Variants in DHX15 observed in about 807,000 individuals in gnomAD.
DHX15 encodes DEAH-box helicase 15, also known as ATP-dependent RNA helicase DHX15.
DHX15 carries 11 observed loss-of-function variants against 94.4 expected under a neutral mutation model. That is an observed-to-expected ratio of 0.12 (90% CI 0.07 to 0.19). DHX15 has a LOEUF of 0.19. DHX15 is among the 10% of genes least tolerant of loss of function. The probability of loss-of-function intolerance (pLI) is 1.00; values close to 1 mark genes in which losing one functional copy is unlikely to be tolerated. For synonymous variants in DHX15, 338 were observed against 329.9 expected, an observed-to-expected ratio of 1.02 and a Z score of -0.27; for missense variants, 304 against 988.5, an observed-to-expected ratio of 0.31 and a Z score of 9.29.
At chr4:24,547,922 T>G (rs1390288729) in intron 6 of DHX15, among the ~76,000 whole-genome samples, 1 of 53,250 alleles carries the variant, frequency 1.9e-5, no homozygotes, top group African/African-American at 8.6e-5. Context: ...TATATATATA[T>G]ATATATATAT....
Position 24,559,662 on chromosome 4 carries a change from A to T in DHX15, c.702-3252T>A, listed in dbSNP as rs151100718. On this transcript the variant is annotated intron_variant, in intron 3 of 13. Transcript: ENST00000336812. Reference sequence around the variant, plus strand: ...TGAATTAATAAAAGTGCCACAGGATAGCCAAACTCCACACTTTACTGGGTG... The same window carrying T: ...TGAATTAATAAAAGTGCCACAGGATTGCCAAACTCCACACTTTACTGGGTG... Among the ~76,000 whole-genome samples, 1,293 of 152,324 alleles carry T rather than the reference A, an allele frequency of 8.5e-3. 23 individuals are homozygous for T. The highest frequency in any genetic ancestry group is 0.029 in the African/African-American group (1,196 of 41,564).
At chr4:24,581,275 G>A (rs1468076163) in intron 1 of DHX15, among the ~76,000 whole-genome samples, 4 of 152,100 alleles carry the variant, frequency 2.6e-5, no homozygotes, top group South Asian at 2.1e-4. Flanking sequence ...TGATCCACCC[G>A]CCTCGGCCTC....
At chr4:24,572,876 T>C (rs1180231490) in intron 2 of DHX15, among the ~76,000 whole-genome samples, 1 of 152,124 alleles carries the variant, frequency 6.6e-6, no homozygotes, top group African/African-American at 2.4e-5. Flanking sequence ...CTGAAATATG[T>C]AGGCTACTGG....
intron 6 of DHX15, among the ~76,000 whole-genome samples, chr4:24,547,971 ATGGGGAC>A (rs1332667712): frequency 2.9e-5 from 4 of 139,162 alleles, no homozygotes; most frequent in African/African-American, 8.2e-5. Context: ...CTATCTGCTG[ATGGGGAC>A]TATATATCTG....
At chr4:24,533,659 T>G (rs1721136254) in intron 11 of DHX15, 1 of 153,706 alleles carries the variant, frequency 6.5e-6, no homozygotes, top group Non-Finnish European at 1.4e-5. Flanking sequence ...ACATGTATTA[T>G]CAAAAGGATA....
At chr4:24,571,359 G>A (rs146736446) in intron 2 of DHX15, among the ~76,000 whole-genome samples, 1 of 152,158 alleles carries the variant, frequency 6.6e-6, no homozygotes, top group Non-Finnish European at 1.5e-5. Flanking sequence ...CTCAGGAGCA[G>A]TATGCACAAT....
intron 5 of DHX15, among the ~76,000 whole-genome samples, chr4:24,550,397 T>C (rs770996513): frequency 3.3e-5 from 5 of 152,216 alleles, no homozygotes; most frequent in East Asian, 1.9e-4. Context: ...TAACTCTGAC[T>C]CTTGTGTAGT....
chr4:24,584,289 C>G, intron 1 of DHX15, 34 bp downstream of exon 1: 1 of 1,597,316 alleles, frequency 6.3e-7, no homozygotes. Context: ...CAACAAAGCC[C>G]GAGCTGCCGC....
chr4:24,578,300 T>C (rs1722320071), intron 1 of DHX15, among the ~76,000 whole-genome samples: 1 of 152,238 alleles, frequency 6.6e-6, no homozygotes, highest in Non-Finnish European at 1.5e-5. Context: ...GCTTCTGGCC[T>C]AAGGTGACTG....
intron 3 of DHX15, among the ~76,000 whole-genome samples, chr4:24,569,190 A>C (rs1333797643): frequency 6.6e-6 from 1 of 152,238 alleles, no homozygotes; most frequent in Non-Finnish European, 1.5e-5. Context: ...GGTATCTAAG[A>C]CTGCTTCGAA....
Position 24,527,974 on chromosome 4 carries a change from A to G in DHX15, c.2338T>C (p.Leu780=), listed in dbSNP as rs780799723. Residue 780 remains leucine, a synonymous_variant, in exon 14 of 14, where the codon TTG becomes CTG. Coordinates refer to ENST00000336812, the MANE Select transcript of DHX15 (RefSeq NM_001358.3). ...TGAAGTTTGGCAATGATGCGGTCCA[A>G]CTGTCTCTTTGCTTCACACTGTGGG... The part of the protein sequence containing the change: ...NFPQCEAKRQ[L]DRIIAKLQSK... 5.6e-6 allele frequency: 9 copies of G among 1,614,058 alleles called. No homozygotes were observed. The Admixed American group carries it at 6.7e-5, about 12-fold the overall frequency.
intron 2 of DHX15, among the ~76,000 whole-genome samples, chr4:24,574,402 G>T (rs1722197561): frequency 6.6e-6 from 1 of 151,998 alleles, no homozygotes; most frequent in African/African-American, 2.4e-5. Context: ...CCCCAGATGT[G>T]CTGCAATCCT....
intron 3 of DHX15, among the ~76,000 whole-genome samples, chr4:24,564,666 G>A (rs1414634857): frequency 2.0e-5 from 3 of 152,254 alleles, no homozygotes; most frequent in African/African-American, 7.2e-5. Context: ...AACAAAGACA[G>A]GCTCTAGTTC....
At chr4:24,574,537 A>G (rs1455418659) in intron 2 of DHX15, among the ~76,000 whole-genome samples, 8 of 152,202 alleles carry the variant, frequency 5.3e-5, no homozygotes, top group African/African-American at 1.2e-4. Flanking sequence ...CTCTGAAATG[A>G]GGCTACCCAT....
chr4:24,558,231 A>G (rs1035994785), intron 3 of DHX15, among the ~76,000 whole-genome samples: 2 of 152,186 alleles, frequency 1.3e-5, no homozygotes, highest in African/African-American at 4.8e-5. Flanking sequence ...CACAGGCAAT[A>G]ATAACCAAAC....
chr4:24,570,611 G>A (rs1384267138), intron 3 of DHX15, 43 bp downstream of exon 3: 1 of 1,578,188 alleles, frequency 6.3e-7, no homozygotes, highest in African/African-American at 1.3e-5. Context: ...GCAGAAAATG[G>A]CAAGCAGAGG....
intron 12 of DHX15, among the ~76,000 whole-genome samples, chr4:24,531,379 C>T (rs1005656679): frequency 6.6e-6 from 1 of 152,032 alleles, no homozygotes; most frequent in African/African-American, 2.4e-5. Context: ...TGAGCCACAG[C>T]GCCCGGCCAG....
chr4:24,576,962 AGAC>A (rs1023661685), intron 1 of DHX15, among the ~76,000 whole-genome samples: 7 of 152,218 alleles, frequency 4.6e-5, no homozygotes, highest in Non-Finnish European at 1.0e-4. Context: ...CCTCCTACTT[AGAC>A]AACAGAAATC....
At chr4:24,542,184 A>G (rs1416535303) in intron 7 of DHX15, among the ~76,000 whole-genome samples, 162 bp from the exon 8 acceptor site, 1 of 152,174 alleles carries the variant, frequency 6.6e-6, no homozygotes, top group Non-Finnish European at 1.5e-5. Flanking sequence ...CCTGAACCTT[A>G]AAGTTCTTTC....
Sources: gnomAD v4.1 joint callset for allele counts (sites outside exome capture counted in the v4.1 genomes callset) on GRCh38, gnomAD v4.1.1 for gene constraint, MANE v1.5 for transcripts, NCBI Gene and HGNC (gene_info 2026-07-23, HGNC 2026-07-21) for gene names.